CCSER1: variants seen among roughly 807,000 people sequenced by gnomAD.
CCSER1 encodes the protein serine-rich coiled-coil domain-containing protein 1.
A neutral mutation model predicts 82.0 loss-of-function variants in CCSER1; 41 were observed. That is an observed-to-expected ratio of 0.50 (90% CI 0.39 to 0.65). The LOEUF (loss-of-function observed/expected upper bound fraction) is 0.65, where lower values mean the gene tolerates loss of function less well. CCSER1 is among the 30% of genes least tolerant of loss of function. CCSER1 has a pLI of 0.00. For synonymous variants in CCSER1, 414 were observed against 383.9 expected (o/e 1.08, Z -0.92); for missense variants, 1,119 against 1,064.2 (o/e 1.05, Z -0.72).
At chr4:91,173,998 C>T (rs1733043775) in intron 10 of CCSER1, among the ~76,000 whole-genome samples, 1 of 152,104 alleles carries the variant, frequency 6.6e-6, no homozygotes, top group Non-Finnish European at 1.5e-5. Flanking sequence ...TACATAAGTA[C>T]ACATATCTAT....
At chr4:90,412,926 G>A (rs1437439755) in intron 4 of CCSER1, among the ~76,000 whole-genome samples, 1 of 148,926 alleles carries the variant, frequency 6.7e-6, no homozygotes, top group African/African-American at 2.5e-5. Flanking sequence ...ACAAGAGAAA[G>A]AAATAAAGAG....
At chr4:90,700,070 G>C (rs1369560175) in intron 6 of CCSER1, among the ~76,000 whole-genome samples, 3 of 151,630 alleles carry the variant, frequency 2.0e-5, no homozygotes, top group Non-Finnish European at 4.4e-5. Context: ...CATGTGCCAT[G>C]TTGGTGTGCT....
intron 10 of CCSER1, among the ~76,000 whole-genome samples, chr4:91,114,777 G>A (rs1726403195): frequency 6.6e-6 from 1 of 152,178 alleles, no homozygotes; most frequent in African/African-American, 2.4e-5. Flanking sequence ...TAACCTTTCT[G>A]CCAAACTCAT....
At position 90,815,775 on chromosome 4, in the gene CCSER1, A is replaced by G. The variant is rs1758930772; in HGVS notation, c.2024A>G (p.Asp675Gly). ...ATGTTTTTATAGGATATAATGAAAGATGAATGCTCGATGCTCAAGCTGCAG... is the reference window on the plus strand; with the variant it reads ...ATGTTTTTATAGGATATAATGAAAGGTGAATGCTCGATGCTCAAGCTGCAG... ...EPVPFKDIMK[D>G]ECSMLKLQLK... The change falls in exon 8 of 11, where the codon GAT becomes GGT. Residue 675 changes from aspartate (D) to glycine (G), a missense_variant. Asp to Gly is a moderately conservative substitution (Grantham distance 94). Transcript: ENST00000509176. 6.4e-7 allele frequency: 1 copy of G among 1,550,988 alleles called. No homozygotes were observed. Among genetic ancestry groups the G allele is most frequent in the Non-Finnish European group, 8.7e-7 (1 of 1,146,606 alleles).
chr4:90,373,597 T>G (rs1448877602), intron 3 of CCSER1, among the ~76,000 whole-genome samples: 1 of 152,208 alleles, frequency 6.6e-6, no homozygotes, highest in African/African-American at 2.4e-5. Flanking sequence ...TCAATTGCTT[T>G]AAGACATGTA....
chr4:90,316,364 G>C lies in CCSER1; in HGVS notation c.1509+3317G>C, dbSNP rs114394884. 4.9e-3 allele frequency among the ~76,000 whole-genome samples: 751 copies of C among 152,274 alleles called. 8 individuals are homozygous for C. Among genetic ancestry groups the C allele is most frequent in the African/African-American group, 0.017 (718 of 41,562 alleles). On this transcript the variant is annotated intron_variant, in intron 3 of 10. Transcript: ENST00000509176. ...TTTTTCAATTGTTTGCATCAATTTGGTGTAATGAAATTAAAACATTTAAAG... is the reference window on the plus strand; with the variant it reads ...TTTTTCAATTGTTTGCATCAATTTGCTGTAATGAAATTAAAACATTTAAAG...
At chr4:91,001,985 A>G (rs1311573147) in intron 9 of CCSER1, among the ~76,000 whole-genome samples, 2 of 152,108 alleles carry the variant, frequency 1.3e-5, no homozygotes, top group East Asian at 3.8e-4. Flanking sequence ...TTGTCTGAAA[A>G]AGATTGTATC....
intron 10 of CCSER1, among the ~76,000 whole-genome samples, chr4:91,592,056 A>G (rs1764294067): frequency 6.6e-6 from 1 of 152,302 alleles, no homozygotes; most frequent in East Asian, 1.9e-4. Flanking sequence ...GGACATGTGT[A>G]TTCAGCATTG....
At position 91,480,346 on chromosome 4, in the gene CCSER1, C is replaced by T. The variant is rs533177063; in HGVS notation, c.2218-118226C>T. On this transcript the variant is annotated intron_variant, in intron 10 of 10. Coordinates refer to ENST00000509176, the MANE Select transcript of CCSER1 (RefSeq NM_001145065.2). The stretch of plus-strand genomic sequence containing the variant: ...GACTTCCAGCATGGTTGAACTAGTT[C>T]ACAGTCCCACCAACAGTGTAAAAGT... Among the ~76,000 whole-genome samples the T allele has an allele frequency of 5.3e-4, 81 of 152,246 alleles. 1 individual carries two copies. Among genetic ancestry groups the T allele is most frequent in the South Asian group, 3.5e-3 (17 of 4,830 alleles).
intron 1 of CCSER1, among the ~76,000 whole-genome samples, chr4:90,219,985 C>T (rs1004144055): frequency 6.6e-6 from 1 of 151,982 alleles, no homozygotes; most frequent in African/African-American, 2.4e-5. Flanking sequence ...CAGTAGTTTC[C>T]CCTTATCTGC....
chr4:91,411,483 C>CATATATACATATATAT (rs1291725915), intron 10 of CCSER1, among the ~76,000 whole-genome samples: 1 of 69,248 alleles, frequency 1.4e-5, no homozygotes, highest in Non-Finnish European at 2.8e-5. Flanking sequence ...TAAATTTCTG[C>CATATATACATATATAT]ATATATACAT....
At chr4:91,565,626 G>A (rs983071182) in intron 10 of CCSER1, among the ~76,000 whole-genome samples, 6 of 151,868 alleles carry the variant, frequency 4.0e-5, no homozygotes, top group African/African-American at 1.5e-4. Flanking sequence ...TCTTTGGTTA[G>A]CTGTAGTCCT....
At chr4:91,481,424 C>T (rs1445855016) in intron 10 of CCSER1, among the ~76,000 whole-genome samples, 1 of 152,024 alleles carries the variant, frequency 6.6e-6, no homozygotes, top group East Asian at 1.9e-4. Context: ...CACGTTGCCT[C>T]TTTTCGTAAG....
At chr4:90,977,268 C>T (rs1042777443) in intron 9 of CCSER1, among the ~76,000 whole-genome samples, 1 of 151,616 alleles carries the variant, frequency 6.6e-6, no homozygotes, top group East Asian at 1.9e-4. Context: ...TGGCCACCTA[C>T]CTCCAGCCTT....
chr4:90,325,709 T>C (rs1180580746), intron 3 of CCSER1: 1 of 418,072 alleles, frequency 2.4e-6, no homozygotes. Flanking sequence ...GAATCTGAGG[T>C]TTGTACATTA....
chr4:90,948,809 T>C (rs1433967912), intron 9 of CCSER1, among the ~76,000 whole-genome samples: 1 of 152,032 alleles, frequency 6.6e-6, no homozygotes, highest in Non-Finnish European at 1.5e-5. Context: ...TTCACATGAT[T>C]TTTTGTTTAA....
intron 7 of CCSER1, among the ~76,000 whole-genome samples, chr4:90,810,323 T>A (rs1367189381): frequency 1.3e-5 from 2 of 152,110 alleles, no homozygotes; most frequent in Non-Finnish European, 2.9e-5. Context: ...GGTAATGCAA[T>A]AGAAACTATA....
chr4:91,266,327 A>G (rs1202414033), intron 10 of CCSER1, among the ~76,000 whole-genome samples: 1 of 151,540 alleles, frequency 6.6e-6, no homozygotes, highest in Non-Finnish European at 1.5e-5. Flanking sequence ...ATCTCGGCTC[A>G]CTGCAAGCTC....
chr4:90,533,674 A>G (rs1425749282), intron 5 of CCSER1, among the ~76,000 whole-genome samples: 1 of 152,184 alleles, frequency 6.6e-6, no homozygotes, highest in Non-Finnish European at 1.5e-5. Flanking sequence ...AAGACTCAAA[A>G]CTATTCCATT....
Sources: gnomAD v4.1 joint callset for allele counts (sites outside exome capture counted in the v4.1 genomes callset) on GRCh38, gnomAD v4.1.1 for gene constraint, MANE v1.5 for transcripts, NCBI Gene and HGNC (gene_info 2026-07-23, HGNC 2026-07-21) for gene names.